The following ITGBL1 variants were observed in gnomAD, a reference collection of about 807,000 sequenced individuals.
ITGBL1 encodes integrin subunit beta like 1.
ITGBL1 carries 51 observed loss-of-function variants against 68.5 expected under a neutral mutation model. The ratio of observed to expected loss-of-function variants is 0.74; its 90% CI spans 0.59 to 0.94. The LOEUF (loss-of-function observed/expected upper bound fraction) is 0.94, where lower values mean the gene tolerates loss of function less well. Among genes scored for constraint, ITGBL1 ranks in the 40% least tolerant of loss-of-function variants. The pLI, the probability that ITGBL1 is intolerant of heterozygous loss-of-function variation, is 0.00. For missense variants in ITGBL1, 649 were observed against 647.4 expected (o/e 1.00, Z -0.03); for synonymous variants, 209 against 227.3 (o/e 0.92, Z 0.72).
intron 4 of ITGBL1, among the ~76,000 whole-genome samples, chr13:101,576,616 A>G (rs2050363835): frequency 6.6e-6 from 1 of 152,148 alleles, no homozygotes; most frequent in Non-Finnish European, 1.5e-5. Context: ...GCCACGTGGA[A>G]CCAGAGAACC....
intron 2 of ITGBL1, among the ~76,000 whole-genome samples, chr13:101,557,588 G>A (rs2050027987): frequency 6.6e-6 from 1 of 152,140 alleles, no homozygotes; most frequent in Non-Finnish European, 1.5e-5. Context: ...GATTTGTGAA[G>A]ATGCATATTT....
intron 2 of ITGBL1, among the ~76,000 whole-genome samples, chr13:101,468,017 A>G (rs2048407405): frequency 6.6e-6 from 1 of 152,198 alleles, no homozygotes; most frequent in African/African-American, 2.4e-5. Flanking sequence ...AACGTGGTAA[A>G]TGCATTTCCT....
At chr13:101,673,366 A>C (rs1466794433) in intron 7 of ITGBL1, among the ~76,000 whole-genome samples, 1 of 152,222 alleles carries the variant, frequency 6.6e-6, no homozygotes, top group Admixed American at 6.5e-5. Context: ...TCTCTAGTAC[A>C]ACTGTTGCTC....
At chr13:101,551,956 G>A (rs947344252) in intron 2 of ITGBL1, among the ~76,000 whole-genome samples, 13 of 152,106 alleles carry the variant, frequency 8.5e-5, no homozygotes, top group African/African-American at 3.1e-4. Flanking sequence ...AGCCTTGATG[G>A]GGGTGGTGAG....
At chr13:101,456,501 C>T (rs559451033) in intron 2 of ITGBL1, among the ~76,000 whole-genome samples, 3 of 152,318 alleles carry the variant, frequency 2.0e-5, no homozygotes, top group Non-Finnish European at 2.9e-5. Flanking sequence ...TGTGCTTTCA[C>T]CTCCATGAAA....
intron 8 of ITGBL1, among the ~76,000 whole-genome samples, chr13:101,696,747 T>C (rs1253723955): frequency 1.3e-5 from 2 of 152,158 alleles, no homozygotes; most frequent in East Asian, 1.9e-4. Context: ...TCAATCTCTC[T>C]CTCTCATTAT....
chr13:101,510,921 A>T (rs1271014083), intron 2 of ITGBL1, among the ~76,000 whole-genome samples: 12 of 152,000 alleles, frequency 7.9e-5, no homozygotes, highest in African/African-American at 2.9e-4. Context: ...ATAATTTGTG[A>T]ATATTTTCTC....
intron 2 of ITGBL1, among the ~76,000 whole-genome samples, chr13:101,515,492 G>T (rs2049180786): frequency 6.6e-6 from 1 of 152,082 alleles, no homozygotes; most frequent in Non-Finnish European, 1.5e-5. Context: ...TTGTTGGGTT[G>T]TGTTAGCCGA....
intron 7 of ITGBL1, among the ~76,000 whole-genome samples, chr13:101,665,839 A>T (rs7323455): frequency 3.3e-5 from 5 of 152,040 alleles, no homozygotes; most frequent in East Asian, 1.9e-4. Flanking sequence ...TGCCAAAACC[A>T]CAGCGTTGCA....
intron 7 of ITGBL1, among the ~76,000 whole-genome samples, chr13:101,680,524 G>T (rs975179655): frequency 2.0e-5 from 3 of 150,684 alleles, no homozygotes; most frequent in Admixed American, 6.6e-5. Flanking sequence ...ATTCTGGGTC[G>T]GGAATACACT....
At chr13:101,711,256 C>T (rs1235686083) in intron 9 of ITGBL1, 1 of 152,248 alleles carries the variant, frequency 6.6e-6, no homozygotes, top group Non-Finnish European at 1.5e-5. Context: ...AATCTTCTTA[C>T]AGATGCTGTT....
intron 2 of ITGBL1, among the ~76,000 whole-genome samples, chr13:101,479,882 A>G (rs1320924055): frequency 6.6e-6 from 1 of 152,110 alleles, no homozygotes; most frequent in Non-Finnish European, 1.5e-5. Flanking sequence ...GAAAATTAGC[A>G]TAGCCACTGT....
chr13:101,453,850 A>C (rs751025389), intron 1 of ITGBL1, 33 bp from the exon 2 acceptor site: 1 of 1,226,918 alleles, frequency 8.2e-7, no homozygotes. Flanking sequence ...TCCGCGTCTG[A>C]CCCGGCCTGC....
chr13:101,485,022 A>T (rs984702154), intron 2 of ITGBL1, among the ~76,000 whole-genome samples: 2 of 152,238 alleles, frequency 1.3e-5, no homozygotes, highest in Non-Finnish European at 2.9e-5. Flanking sequence ...AACGAAAATA[A>T]GGATGATAGC....
At chr13:101,634,730 G>A (rs2032107779) in intron 7 of ITGBL1, among the ~76,000 whole-genome samples, 1 of 151,978 alleles carries the variant, frequency 6.6e-6, no homozygotes, top group African/African-American at 2.4e-5. Flanking sequence ...ATTTCAGTGG[G>A]GGATATAAAC....
At chr13:101,617,609 A>C (rs2031418911) in intron 7 of ITGBL1, among the ~76,000 whole-genome samples, 1 of 152,190 alleles carries the variant, frequency 6.6e-6, no homozygotes, top group African/African-American at 2.4e-5. Flanking sequence ...GACTCATCTC[A>C]TTATATAAAA....
intron 7 of ITGBL1, among the ~76,000 whole-genome samples, chr13:101,639,742 G>GT (rs1325886188): frequency 6.6e-6 from 1 of 151,992 alleles, no homozygotes; most frequent in Non-Finnish European, 1.5e-5. Flanking sequence ...TTTTAGTTTT[G>GT]TTTTTGAAAT....
intron 7 of ITGBL1, among the ~76,000 whole-genome samples, chr13:101,614,008 G>A (rs191899415): frequency 6.6e-5 from 8 of 122,090 alleles, no homozygotes; most frequent in African/African-American, 2.5e-4. Context: ...CTTTCCCAAA[G>A]CTTTGTTGAA....
intron 3 of ITGBL1, among the ~76,000 whole-genome samples, chr13:101,568,570 T>C (rs114761897): frequency 0.011 from 1,717 of 152,246 alleles, 31 homozygotes; most frequent in African/African-American, 0.039. Context: ...TCTCATGTAG[T>C]ACACCAGAGG....
Sources: allele counts gnomAD v4.1 joint callset (sites outside exome capture counted in the v4.1 genomes callset), GRCh38; gene constraint gnomAD v4.1.1; transcripts MANE v1.5; gene names NCBI Gene and HGNC (gene_info 2026-07-23, HGNC 2026-07-21).